Variants in NFKBIL1 observed in about 807,000 individuals in gnomAD.
NFKBIL1 encodes NF-kappa-B inhibitor-like protein 1.
In NFKBIL1, 30 loss-of-function variants were observed where a neutral mutation model predicts 45.4. The ratio of observed to expected loss-of-function variants is 0.66; its 90% CI spans 0.49 to 0.90. The LOEUF (loss-of-function observed/expected upper bound fraction) is 0.90, where lower values mean the gene tolerates loss of function less well. NFKBIL1 is among the 40% of genes least tolerant of loss of function. The pLI is 0.00. For synonymous variants in NFKBIL1, 179 were observed against 197.3 expected (o/e 0.91, Z 0.78); for missense variants, 434 against 513.4 (o/e 0.85, Z 1.49).
intron 1 of NFKBIL1, 44 bp from the exon 2 acceptor site, chr6:31,548,119 A>C (rs773275707): frequency 6.2e-7 from 1 of 1,612,610 alleles, no homozygotes; most frequent in South Asian, 1.1e-5. Context: ...GAGAAGGACC[A>C]GCCAAGGCTG....
At chr6:31,555,903 C>T (rs948523637) in intron 2 of NFKBIL1, among the ~76,000 whole-genome samples, 6 of 150,566 alleles carry the variant, frequency 4.0e-5, no homozygotes, top group East Asian at 1.9e-4. Flanking sequence ...CCATTGTCCC[C>T]CCCCCCCAGC....
chr6:31,548,278 G>A lies in NFKBIL1; in HGVS notation c.173G>A (p.Gly58Asp). Residue 58 changes from glycine (G) to aspartate (D), a missense_variant, in exon 2 of 4, where the codon GGC (glycine) becomes GAC (aspartate). Physicochemically the swap from Gly to Asp is moderately conservative, Grantham distance 94. Around this residue, in one of 4 missense-constraint regions of NFKBIL1, gnomAD observed 231 missense variants for 264.1 expected, o/e 0.87. Coordinates refer to ENST00000376148, the MANE Select transcript of NFKBIL1 (RefSeq NM_005007.4). ...CAGGCCCTCCTCCAGCGACACCCAG[G>A]CCTCGATGTAGATGCTGGGCAGCCC... The part of the protein sequence containing the change: ...RAQALLQRHP[G>D]LDVDAGQPPP... 3 of 1,612,462 alleles carry A rather than the reference G, an allele frequency of 1.9e-6. No individual in the cohort carries two copies. Among genetic ancestry groups the A allele is most frequent in the South Asian group, 1.1e-5 (1 of 91,048 alleles).
chr6:31,557,724 G>A lies in NFKBIL1; in HGVS notation c.431G>A (p.Trp144Ter). 6.2e-7 allele frequency: 1 copy of A among 1,610,092 alleles called. No individual in the cohort carries two copies. The highest frequency in any genetic ancestry group is 8.5e-7 in the Non-Finnish European group (1 of 1,177,634). Residue 144 changes from tryptophan to a stop codon, truncating the protein, a stop_gained, in exon 3 of 4, where the codon TGG (tryptophan) becomes TAG (stop). Transcript: ENST00000376148. LOFTEE classifies it high-confidence loss of function. This position sits in a 1 kb window ranked among gnomAD's most constrained non-coding sequence, Gnocchi z 5.4. ...GAGACCCCTGGCCAAATTTTGGGCTGGGGACCCCCCTGGGATTCTGCTGAA... is the reference window on the plus strand; with the variant it reads ...GAGACCCCTGGCCAAATTTTGGGCTAGGGACCCCCCTGGGATTCTGCTGAA... ...DGETPGQILGWGPPWDSAEEE... is the reference protein window; with the variant it reads ...DGETPGQILG
At position 31,553,465 on chromosome 6, in the gene NFKBIL1, C is replaced by T. The variant is rs35969216; in HGVS notation, c.335-4163C>T. ...AATACCTGAATATGACAGGAAGGTACACACCAAATTCATGGGACAGATGGC... is the reference window on the plus strand; with the variant it reads ...AATACCTGAATATGACAGGAAGGTATACACCAAATTCATGGGACAGATGGC... On this transcript the variant is annotated intron_variant, in intron 2 of 3. Coordinates refer to ENST00000376148, the MANE Select transcript of NFKBIL1 (RefSeq NM_005007.4). Among the ~76,000 whole-genome samples the T allele has an allele frequency of 9.1e-3, 1,389 of 152,212 alleles. 6 individuals are homozygous for T. The highest frequency in any genetic ancestry group is 0.031 in the South Asian group (151 of 4,828).
Position 31,558,799 on chromosome 6 carries a change from G to A in NFKBIL1, c.*188G>A, listed in dbSNP as rs201968991. On this transcript the variant is annotated 3_prime_UTR_variant, in exon 4 of 4. Transcript: ENST00000376148. This position sits in a 1 kb window ranked among gnomAD's most constrained non-coding sequence, Gnocchi z 7.2. ...GCCACCACTGCTCCTTGACTCTGCCGTTTCCTAATAAGACCTGGTTCCACA... is the reference window on the plus strand; with the variant it reads ...GCCACCACTGCTCCTTGACTCTGCCATTTCCTAATAAGACCTGGTTCCACA... 4.9e-5 allele frequency: 27 copies of A among 552,954 alleles called. No individual in the cohort carries two copies. Among genetic ancestry groups the A allele is most frequent in the Admixed American group, 9.1e-5 (3 of 33,112 alleles). 34.3% of individuals were successfully genotyped at this position (552,954 alleles called of 1,614,324 possible). A position where few individuals can be genotyped will look rare whatever the true frequency, so the allele number is the denominator to read the frequency against.
In NFKBIL1 at chr6:31,547,750, G is replaced by C. The variant is rs756924829; in HGVS notation, c.56G>C (p.Arg19Pro). ...GAAGAAGCCTCCACATCTGTCTGCC[G>C]GGTACATGATATTCAATTTCTAGAT... is the stretch of plus-strand genomic sequence containing the variant. ...PEEEASTSVC[R>P]PKSSMASTSR... Residue 19 changes from arginine (R) to proline (P), a missense_variant and splice_region_variant, in exon 1 of 4, where the codon CGG (arginine) becomes CCG (proline). By Grantham distance (103) the Arg-to-Pro change is moderately radical. Around this residue, in one of 4 missense-constraint regions of NFKBIL1, gnomAD observed 231 missense variants for 264.1 expected, o/e 0.87. Transcript: ENST00000376148. 1 of 1,609,488 alleles carries C rather than the reference G, an allele frequency of 6.2e-7. No homozygotes were observed. The highest frequency in any genetic ancestry group is 1.7e-5 in the Admixed American group (1 of 59,948).
Position 31,558,419 on chromosome 6 carries a change from G to A in NFKBIL1, c.954G>A (p.Val318=). Residue 318 remains valine, a synonymous_variant, in exon 4 of 4, where the codon GTG becomes GTA. Coordinates refer to ENST00000376148, the MANE Select transcript of NFKBIL1 (RefSeq NM_005007.4). This position sits in a 1 kb window ranked among gnomAD's most constrained non-coding sequence, Gnocchi z 7.2. ...GDPEAMAAAL[V]ARGPPLEEQG... is the part of the protein sequence containing the mutation. ...CAGAGGCCATGGCTGCAGCCCTGGT[G>A]GCCAGGGGCCCCCCTTTGGAGGAAC... 6.4e-7 allele frequency: 1 copy of A among 1,551,074 alleles called. No homozygotes were observed. Among genetic ancestry groups the A allele is most frequent in the Non-Finnish European group, 8.7e-7 (1 of 1,147,158 alleles).
intron 2 of NFKBIL1, among the ~76,000 whole-genome samples, chr6:31,553,127 C>T (rs915108343): frequency 6.6e-6 from 1 of 151,236 alleles, no homozygotes; most frequent in East Asian, 1.9e-4. Context: ...CTACAACCTC[C>T]GCCTCCCGGG....
chr6:31,547,778 T>C (rs1443060464), intron 1 of NFKBIL1, 27 bp downstream of exon 1: 11 of 1,558,006 alleles, frequency 7.1e-6, no homozygotes, highest in African/African-American at 1.4e-5. Context: ...TTCTAGATCA[T>C]TATTGGAGAT....
chr6:31,555,087 T>G (rs1769642321), intron 2 of NFKBIL1, among the ~76,000 whole-genome samples: 1 of 152,180 alleles, frequency 6.6e-6, no homozygotes, highest in Non-Finnish European at 1.5e-5. Context: ...GTTATCAAAT[T>G]TGTTCGTCCT....
At chr6:31,555,240 T>TC (rs1769653605) in intron 2 of NFKBIL1, among the ~76,000 whole-genome samples, 1 of 143,450 alleles carries the variant, frequency 7.0e-6, no homozygotes, top group African/African-American at 2.5e-5. Context: ...TTTTTCTTTT[T>TC]TTTTTTTTTT....
At position 31,547,619 on chromosome 6, in the gene NFKBIL1, C is replaced by T. The variant is rs996373146; in HGVS notation, c.-76C>T. ...TGGAGTGTCTCCGCCCTTCCCGCCT[C>T]CCGTCTCCGAGCTTCTTAAACACAG... On this transcript the variant is annotated 5_prime_UTR_variant, in exon 1 of 4. Coordinates refer to ENST00000376148, the MANE Select transcript of NFKBIL1 (RefSeq NM_005007.4). 1 of 1,051,618 alleles carries T rather than the reference C, an allele frequency of 9.5e-7. No individual in the cohort carries two copies. The highest frequency in any genetic ancestry group is 1.4e-6 in the Non-Finnish European group (1 of 714,192). 65.1% of individuals were successfully genotyped at this position (1,051,618 alleles called of 1,614,324 possible).
chr6:31,548,546 G>A (rs9380262), intron 2 of NFKBIL1, 107 bp downstream of exon 2: 1 of 1,273,084 alleles, frequency 7.9e-7, no homozygotes, highest in Non-Finnish European at 1.0e-6. Flanking sequence ...TCAGGACCTA[G>A]GGAAGGAGTT....
chr6:31,556,451 G>C (rs1458017087), intron 2 of NFKBIL1, among the ~76,000 whole-genome samples: 2 of 152,326 alleles, frequency 1.3e-5, no homozygotes, highest in Admixed American at 1.3e-4. Context: ...AAGGAAGGCT[G>C]CCTCCCTCCC....
chr6:31,557,984 C>T lies in NFKBIL1; in HGVS notation c.557-38C>T, dbSNP rs746444774. The T allele has an allele frequency of 1.1e-5, 16 of 1,520,214 alleles. No homozygotes were observed. Among genetic ancestry groups the T allele is most frequent in the Non-Finnish European group, 1.2e-5 (13 of 1,124,040 alleles). 94.2% of individuals were successfully genotyped at this position (1,520,214 alleles called of 1,614,324 possible). ...CTTGGGGCCCATCACCTTCTCACAG[C>T]CTCTCTCCAACTACCCCCATCCCAC... On this transcript the variant is annotated intron_variant, in intron 3 of 3. Transcript: ENST00000376148. The surrounding 1 kb of genome is among the most constrained non-coding windows in gnomAD (Gnocchi z 5.4).
chr6:31,558,002 C>A lies in NFKBIL1; in HGVS notation c.557-20C>A. 2 of 1,374,600 alleles carry A rather than the reference C, an allele frequency of 1.5e-6. No homozygotes were observed. The highest frequency in any genetic ancestry group is 1.3e-5 in the South Asian group (1 of 78,632). 85.2% of individuals were successfully genotyped at this position (1,374,600 alleles called of 1,614,324 possible). ...CTCACAGCCTCTCTCCAACTACCCCCATCCCACCCTCCCAAACAGGTGATG... is the reference window on the plus strand; with the variant it reads ...CTCACAGCCTCTCTCCAACTACCCCAATCCCACCCTCCCAAACAGGTGATG... On this transcript the variant is annotated intron_variant, in intron 3 of 3. Coordinates refer to ENST00000376148, the MANE Select transcript of NFKBIL1 (RefSeq NM_005007.4). This position sits in a 1 kb window ranked among gnomAD's most constrained non-coding sequence, Gnocchi z 7.2.
intron 2 of NFKBIL1, among the ~76,000 whole-genome samples, chr6:31,552,471 T>C (rs1769482128): frequency 6.6e-6 from 1 of 151,414 alleles, no homozygotes; most frequent in African/African-American, 2.4e-5. Context: ...GTATTTTTAG[T>C]AGACACGGGG....
intron 2 of NFKBIL1, among the ~76,000 whole-genome samples, chr6:31,555,817 TTTTG>T (rs1483630970): frequency 8.0e-5 from 12 of 149,404 alleles, no homozygotes; most frequent in African/African-American, 2.7e-4. Context: ...TATATATATA[TTTTG>T]TTTGTTTGTT....
At chr6:31,554,546 A>G (rs979717432) in intron 2 of NFKBIL1, among the ~76,000 whole-genome samples, 6 of 152,250 alleles carry the variant, frequency 3.9e-5, no homozygotes, top group Non-Finnish European at 5.9e-5. Flanking sequence ...AATATGAGCA[A>G]TTCATTCACA....
Sources: allele counts gnomAD v4.1 joint callset (sites outside exome capture counted in the v4.1 genomes callset), GRCh38; gene constraint gnomAD v4.1.1; regional missense constraint gnomAD v4.1.1; non-coding constraint Gnocchi (gnomAD v3.1); transcripts MANE v1.5; gene names NCBI Gene and HGNC (gene_info 2026-07-23, HGNC 2026-07-21).